The following BID variants were observed in gnomAD, a reference collection of about 807,000 sequenced individuals.
BID encodes the protein BH3-interacting domain death agonist.
A neutral mutation model predicts 17.4 loss-of-function variants in BID; 19 were observed. The observed-to-expected ratio is 1.09, with a 90% confidence interval of 0.76 to 1.60. The LOEUF (loss-of-function observed/expected upper bound fraction) is 1.60, where lower values mean the gene tolerates loss of function less well. Ranked by LOEUF, BID falls within the 40% of genes most tolerant of loss-of-function variation. BID has a pLI of 0.00. For missense variants in BID, 226 were observed against 256.0 expected, an observed-to-expected ratio of 0.88 and a Z score of 0.80; for synonymous variants, 108 against 102.8, an observed-to-expected ratio of 1.05 and a Z score of -0.31.
At chr22:17,753,619 G>A (rs545435778) in intron 1 of BID, among the ~76,000 whole-genome samples, 2 of 152,208 alleles carry the variant, frequency 1.3e-5, no homozygotes, top group Non-Finnish European at 1.5e-5. Context: ...GGATGCAGAC[G>A]CCCTGGAAAC....
At chr22:17,750,245 G>A (rs1003849450) in intron 1 of BID, 71 bp from the exon 2 acceptor site, 4 of 1,323,998 alleles carry the variant, frequency 3.0e-6, no homozygotes, top group African/African-American at 2.9e-5. Context: ...GGAGGACGAC[G>A]AAGCTGGCCT....
In BID at chr22:17,734,662, T is replaced by A. The variant is rs1382578033; in HGVS notation, c.*918A>T. On this transcript the variant is annotated 3_prime_UTR_variant, in exon 6 of 6. Transcript: ENST00000622694. ...ATCTTTTATGCTTAGAAACCTGTTC[T>A]CTCCAGATGCACTTCTGAGGCATGG... 1 of 152,230 alleles carries A rather than the reference T, an allele frequency of 6.6e-6. No individual in the cohort carries two copies. Among genetic ancestry groups the A allele is most frequent in the Non-Finnish European group, 1.5e-5 (1 of 68,040 alleles). 9.4% of individuals were successfully genotyped at this position (152,230 alleles called of 1,614,324 possible). A position where few individuals can be genotyped will look rare whatever the true frequency, so the allele number is the denominator to read the frequency against.
intron 5 of BID, 56 bp from the exon 6 acceptor site, chr22:17,735,647 C>T: frequency 6.2e-7 from 1 of 1,608,180 alleles, no homozygotes; most frequent in Non-Finnish European, 8.5e-7. Flanking sequence ...ACAAACCAGG[C>T]TCCAGAGCTC....
At chr22:17,745,259 C>T (rs559300375) in intron 2 of BID, among the ~76,000 whole-genome samples, 2 of 152,214 alleles carry the variant, frequency 1.3e-5, no homozygotes, top group South Asian at 2.1e-4. Context: ...CCATGTTGGT[C>T]AGGCTGGTCT....
At chr22:17,743,579 ACTTT>A (rs2061475198) in intron 3 of BID, among the ~76,000 whole-genome samples, 1 of 152,240 alleles carries the variant, frequency 6.6e-6, no homozygotes, top group South Asian at 2.1e-4. Context: ...GAAAGGAAGA[ACTTT>A]CTAACAGAGT....
At chr22:17,762,845 G>T (rs1253484949) in intron 1 of BID, among the ~76,000 whole-genome samples, 1 of 145,218 alleles carries the variant, frequency 6.9e-6, no homozygotes, top group Non-Finnish European at 1.5e-5. Context: ...AGTTTGAGAA[G>T]TGCTGCTTTG....
At position 17,773,676 on chromosome 22, in the gene BID, G is replaced by A; in HGVS notation, c.-59+705C>T. 3.1e-6 allele frequency: 5 copies of A among 1,610,540 alleles called. No individual in the cohort carries two copies. The highest frequency in any genetic ancestry group is 4.2e-6 in the Non-Finnish European group (5 of 1,179,896). ...TGCCCACCGAGCCATCATGACCCCA[G>A]CACCGCTGCACATTCGTATTTGTTG... On this transcript the variant is annotated intron_variant, in intron 1 of 5. Transcript: ENST00000622694. This position sits in a 1 kb window ranked among gnomAD's most constrained non-coding sequence, Gnocchi z 4.4.
chr22:17,751,378 C>CA (rs771455561), intron 1 of BID, among the ~76,000 whole-genome samples: 2,533 of 80,536 alleles, frequency 0.031, 58 homozygotes, highest in African/African-American at 0.089. Context: ...GACTCCGTCT[C>CA]AAAAAAAAAA....
chr22:17,757,577 C>T lies in BID; in HGVS notation c.-58-7403G>A, dbSNP rs553140570. 3.4e-3 allele frequency among the ~76,000 whole-genome samples: 515 copies of T among 151,690 alleles called. 1 individual carries two copies. Among genetic ancestry groups the T allele is most frequent in the Non-Finnish European group, 3.2e-3 (219 of 67,894 alleles). ...CAAAAAAATTAGCCGGGCGTGGTGG[C>T]GGGCGCCTGTAATCCCAGCTACTCG... On this transcript the variant is annotated intron_variant, in intron 1 of 5. Transcript: ENST00000622694.
intron 1 of BID, among the ~76,000 whole-genome samples, chr22:17,752,866 C>G (rs930333556): frequency 6.6e-6 from 1 of 151,730 alleles, no homozygotes; most frequent in Non-Finnish European, 1.5e-5. Context: ...GGGGTTTCAC[C>G]GTGTTAGCCA....
intron 1 of BID, among the ~76,000 whole-genome samples, chr22:17,751,599 G>A (rs1001847680): frequency 1.3e-5 from 2 of 152,188 alleles, no homozygotes; most frequent in Admixed American, 6.5e-5. Context: ...GCAAACAGAG[G>A]AGAAAGCCTG....
At chr22:17,763,648 A>G (rs572500358) in intron 1 of BID, among the ~76,000 whole-genome samples, 2 of 152,106 alleles carry the variant, frequency 1.3e-5, no homozygotes, top group Non-Finnish European at 2.9e-5. Flanking sequence ...GCCTGTGGGC[A>G]CACACACCAT....
intron 1 of BID, among the ~76,000 whole-genome samples, chr22:17,771,705 C>T (rs1482100939): frequency 6.6e-6 from 1 of 152,104 alleles, no homozygotes; most frequent in Non-Finnish European, 1.5e-5. Context: ...CCATTTTGGA[C>T]CAACGCAGGC....
intron 1 of BID, among the ~76,000 whole-genome samples, chr22:17,763,670 C>T (rs1388536296): frequency 6.6e-6 from 1 of 152,090 alleles, no homozygotes; most frequent in Admixed American, 6.6e-5. Flanking sequence ...GCCTTCACAG[C>T]CACTCGCGCC....
At chr22:17,747,825 C>A (rs1259015534) in intron 2 of BID, among the ~76,000 whole-genome samples, 6 of 152,000 alleles carry the variant, frequency 3.9e-5, no homozygotes, top group Non-Finnish European at 1.5e-5. Flanking sequence ...CGCCTGTAAT[C>A]CCAGCACTTT....
intron 1 of BID, among the ~76,000 whole-genome samples, chr22:17,768,973 C>T (rs570719634): frequency 6.6e-6 from 1 of 151,900 alleles, no homozygotes; most frequent in African/African-American, 2.4e-5. Context: ...ACCTGGGAGG[C>T]GGAGCTTGCA....
rs963865688 is a variant in BID, at chr22:17,736,148, C to T, written c.577-557G>A. Among the ~76,000 whole-genome samples, 4 of 152,150 alleles carry T rather than the reference C, an allele frequency of 2.6e-5. No homozygotes were observed. The South Asian group carries it at 8.3e-4, about 32-fold the overall frequency. On this transcript the variant is annotated intron_variant, in intron 5 of 5. Transcript: ENST00000622694. Reference sequence around the variant, plus strand: ...TTAAAAACCAAAGCCTGAAGTAATGCTTCTGACATGTCATAAAATCCCAAA... The same window carrying T: ...TTAAAAACCAAAGCCTGAAGTAATGTTTCTGACATGTCATAAAATCCCAAA...
chr22:17,755,391 G>A (rs1250579073), intron 1 of BID, among the ~76,000 whole-genome samples: 2 of 152,210 alleles, frequency 1.3e-5, no homozygotes, highest in East Asian at 3.8e-4. Flanking sequence ...CCAGAGAAGG[G>A]GCAGTGCCAT....
chr22:17,774,240 C>T (rs2061743179), intron 1 of BID, 141 bp downstream of exon 1: 1 of 151,738 alleles, frequency 6.6e-6, no homozygotes, highest in South Asian at 2.0e-4. Flanking sequence ...CTCTGACCCC[C>T]CGCCTCCCCT....
Sources: allele counts gnomAD v4.1 joint callset (sites outside exome capture counted in the v4.1 genomes callset), GRCh38; gene constraint gnomAD v4.1.1; non-coding constraint Gnocchi (gnomAD v3.1); transcripts MANE v1.5; gene names NCBI Gene and HGNC (gene_info 2026-07-23, HGNC 2026-07-21).